LRP1B: variants seen among roughly 807,000 people sequenced by gnomAD.
The protein encoded by LRP1B is low-density lipoprotein receptor-related protein 1B.
A neutral mutation model predicts 556.6 loss-of-function variants in LRP1B; 217 were observed. The observed-to-expected ratio is 0.39, with a 90% confidence interval of 0.35 to 0.44. LRP1B has a LOEUF of 0.44. Among genes scored for constraint, LRP1B ranks in the 20% least tolerant of loss-of-function variants. LRP1B has a pLI of 1.00. For synonymous variants in LRP1B, 2,047 were observed against 1,865.8 expected (o/e 1.10, Z -2.50); for missense variants, 5,053 against 5,620.8 (o/e 0.90, Z 3.23).
At chr2:140,294,408 T>C (rs1683519306) in intron 84 of LRP1B, among the ~76,000 whole-genome samples, 1 of 152,246 alleles carries the variant, frequency 6.6e-6, no homozygotes, top group Admixed American at 6.5e-5. Flanking sequence ...CCTTTGTTCA[T>C]TTGGCAAGTG....
chr2:141,820,503 C>G (rs543166737), intron 1 of LRP1B, among the ~76,000 whole-genome samples: 21 of 152,256 alleles, frequency 1.4e-4, no homozygotes, highest in Admixed American at 3.9e-4. Flanking sequence ...CATGGTATCA[C>G]TCATCTATGA....
chr2:140,485,846 T>TGCACAC, intron 58 of LRP1B, among the ~76,000 whole-genome samples: 1 of 142,266 alleles, frequency 7.0e-6, no homozygotes, highest in South Asian at 2.3e-4. Context: ...CTCACGCACA[T>TGCACAC]ACACACACAC....
At chr2:141,330,420 T>G (rs1489843674) in intron 3 of LRP1B, among the ~76,000 whole-genome samples, 1 of 140,426 alleles carries the variant, frequency 7.1e-6, no homozygotes, top group Admixed American at 7.0e-5. Flanking sequence ...AAACTGATAC[T>G]TTTTATTGAA....
chr2:140,778,134 A>G (rs943643319), intron 32 of LRP1B, among the ~76,000 whole-genome samples: 2 of 152,220 alleles, frequency 1.3e-5, no homozygotes, highest in African/African-American at 2.4e-5. Flanking sequence ...TGAAAAGTGC[A>G]TAAGGTCCTT....
chr2:140,713,205 T>A (rs1050370844), intron 37 of LRP1B, among the ~76,000 whole-genome samples: 1 of 152,068 alleles, frequency 6.6e-6, no homozygotes, highest in African/African-American at 2.4e-5. Context: ...TCCCAGCCAA[T>A]TACCATTAAA....
chr2:141,950,619 G>A (rs928171231), intron 1 of LRP1B, among the ~76,000 whole-genome samples: 1 of 152,086 alleles, frequency 6.6e-6, no homozygotes, highest in Non-Finnish European at 1.5e-5. Context: ...GCATTTGGTG[G>A]AATTTTGGAT....
intron 2 of LRP1B, among the ~76,000 whole-genome samples, chr2:141,623,590 C>G (rs186589557): frequency 6.6e-4 from 101 of 152,222 alleles, no homozygotes; most frequent in African/African-American, 2.3e-3. Flanking sequence ...ATTACCTGAA[C>G]AGATCATGGT....
intron 1 of LRP1B, among the ~76,000 whole-genome samples, chr2:141,927,941 A>G (rs1004864987): frequency 7.9e-5 from 12 of 151,694 alleles, no homozygotes; most frequent in African/African-American, 2.9e-4. Flanking sequence ...AAGAAAAAAA[A>G]AAACAAAACA....
intron 35 of LRP1B, among the ~76,000 whole-genome samples, chr2:140,759,180 T>TAAA (rs550068155): frequency 2.6e-5 from 4 of 151,624 alleles, no homozygotes; most frequent in East Asian, 2.0e-4. Flanking sequence ...GATTTTTTTT[T>TAAA]AAAAAATAGC....
intron 5 of LRP1B, among the ~76,000 whole-genome samples, chr2:141,236,193 T>A (rs1683643133): frequency 6.6e-6 from 1 of 152,172 alleles, no homozygotes; most frequent in African/African-American, 2.4e-5. Flanking sequence ...TAAATTGATA[T>A]GTCTTTATAG....
intron 3 of LRP1B, among the ~76,000 whole-genome samples, chr2:141,456,714 AG>A (rs1681643259): frequency 6.6e-6 from 1 of 152,238 alleles, no homozygotes; most frequent in African/African-American, 2.4e-5. Flanking sequence ...GAGCTTCAAA[AG>A]GTAAGTAAGC....
chr2:140,804,412 T>C (rs35265491), intron 32 of LRP1B, among the ~76,000 whole-genome samples: 2 of 152,048 alleles, frequency 1.3e-5, no homozygotes, highest in South Asian at 4.2e-4. Flanking sequence ...AATTTTACTG[T>C]TTTTTATTGT....
At chr2:141,056,399 C>T (rs754203335) in intron 9 of LRP1B, among the ~76,000 whole-genome samples, 2 of 151,812 alleles carry the variant, frequency 1.3e-5, no homozygotes, top group African/African-American at 2.4e-5. Flanking sequence ...CCACAACAAT[C>T]CTTCCTTCAA....
At chr2:141,998,969 T>C (rs1702580572) in intron 1 of LRP1B, among the ~76,000 whole-genome samples, 2 of 152,176 alleles carry the variant, frequency 1.3e-5, no homozygotes, top group Admixed American at 6.5e-5. Context: ...GGAACATAAA[T>C]TTTCTACAGA....
chr2:140,243,871 CA>C (rs1681051542), intron 87 of LRP1B, among the ~76,000 whole-genome samples: 2 of 151,320 alleles, frequency 1.3e-5, no homozygotes, highest in African/African-American at 4.8e-5. Context: ...GAAGTATCAC[CA>C]CCTCAGAGAA....
chr2:140,918,930 AAGAT>A (rs1361110948), intron 21 of LRP1B, among the ~76,000 whole-genome samples: 4 of 152,010 alleles, frequency 2.6e-5, no homozygotes, highest in Non-Finnish European at 4.4e-5. Flanking sequence ...AGCCTGAACT[AAGAT>A]AGTCTCATTT....
chr2:140,554,728 A>G (rs1485440862), intron 43 of LRP1B, among the ~76,000 whole-genome samples: 1 of 151,994 alleles, frequency 6.6e-6, no homozygotes, highest in Non-Finnish European at 1.5e-5. Context: ...AAGTGCTTAA[A>G]ACATACTTAA....
chr2:141,666,789 C>A (rs6735255), intron 2 of LRP1B, among the ~76,000 whole-genome samples: 1 of 151,918 alleles, frequency 6.6e-6, no homozygotes. Context: ...TATACGTCTC[C>A]AGCAGGACAA....
At chr2:140,573,391 C>T (rs1681403636) in intron 43 of LRP1B, among the ~76,000 whole-genome samples, 1 of 151,810 alleles carries the variant, frequency 6.6e-6, no homozygotes, top group South Asian at 2.1e-4. Flanking sequence ...AATTACTTGT[C>T]AGTGTTTATG....
Sources: gnomAD v4.1 joint callset for allele counts (sites outside exome capture counted in the v4.1 genomes callset) on GRCh38, gnomAD v4.1.1 for gene constraint, MANE v1.5 for transcripts, NCBI Gene and HGNC (gene_info 2026-07-23, HGNC 2026-07-21) for gene names.